The following TTC13 variants were observed in gnomAD, a reference collection of about 807,000 sequenced individuals.
TTC13 encodes tetratricopeptide repeat domain 13.
TTC13 carries 62 observed loss-of-function variants against 120.0 expected under a neutral mutation model. The ratio of observed to expected loss-of-function variants is 0.52; its 90% confidence interval spans 0.42 to 0.64. TTC13 has a LOEUF of 0.64. Ranked by LOEUF, TTC13 falls within the 30% of genes least tolerant of loss-of-function variation. TTC13 has a pLI of 0.00. For synonymous variants in TTC13, 384 were observed against 393.5 expected (o/e 0.98, Z 0.28); for missense variants, 824 against 1,050.2 (o/e 0.78, Z 2.98).
In TTC13 at chr1:230,928,957, TGGC is replaced by T; in HGVS notation, c.1434_1436del (p.Pro479del). On this transcript the variant is annotated inframe_deletion, in exon 12 of 23. Transcript: ENST00000366661. Reference sequence around the variant, plus strand: ...CTTACTTTATGTGGGGTTGCAACCCTGGCTGCTCTTCGTAGTCTTCTATGAGGA... The same window carrying T: ...CTTACTTTATGTGGGGTTGCAACCCTTGCTCTTCGTAGTCTTCTATGAGGA... 1 of 1,614,144 alleles carries T rather than the reference TGGC, an allele frequency of 6.2e-7. No homozygotes were observed. Among genetic ancestry groups the T allele is most frequent in the Non-Finnish European group, 8.5e-7 (1 of 1,180,014 alleles).
At chr1:230,929,680 G>A (rs983270243) in intron 11 of TTC13, among the ~76,000 whole-genome samples, 1 of 152,148 alleles carries the variant, frequency 6.6e-6, no homozygotes. Context: ...TTCAATTCCA[G>A]AGCTTAAGAA....
In TTC13 at chr1:230,943,791, G is replaced by A. The variant is rs759003427; in HGVS notation, c.672+15C>T. ...AATCCAATAATGACAGAGGGAAAAA[G>A]AAAGCCACACTCACTTCTGCTCGCT... On this transcript the variant is annotated intron_variant, in intron 6 of 22. Coordinates refer to ENST00000366661, the MANE Select transcript of TTC13 (RefSeq NM_024525.5). 8.2e-6 allele frequency: 13 copies of A among 1,581,898 alleles called. No individual in the cohort carries two copies. Among genetic ancestry groups the A allele is most frequent in the Non-Finnish European group, 1.1e-5 (13 of 1,163,712 alleles).
chr1:230,957,669 G>A (rs1191069908), intron 3 of TTC13, among the ~76,000 whole-genome samples: 1 of 152,056 alleles, frequency 6.6e-6, no homozygotes, highest in Non-Finnish European at 1.5e-5. Context: ...AGACAGCGAG[G>A]GAAACACACC....
chr1:230,923,932 T>C lies in TTC13; in HGVS notation c.1723A>G (p.Ile575Val). The change falls in exon 15 of 23, where the codon ATT becomes GTT. Residue 575 changes from isoleucine (I) to valine (V), a missense_variant and splice_region_variant. Transcript: ENST00000366661. Reference protein sequence around the residue: ...MFDIAVKWRRIADPDQPVLWL... With the variant: ...MFDIAVKWRRVADPDQPVLWL... ...AGCACGGGCTGGTCTGGGTCAGCAA[T>C]CCTATAAAACAGAGACCTTTATAAA... 12 of 1,612,726 alleles carry C rather than the reference T, an allele frequency of 7.4e-6. No individual in the cohort carries two copies. The highest frequency in any genetic ancestry group is 1.0e-5 in the Non-Finnish European group (12 of 1,179,046).
intron 1 of TTC13, among the ~76,000 whole-genome samples, chr1:230,962,565 A>G (rs181913815): frequency 5.3e-4 from 81 of 152,336 alleles, no homozygotes; most frequent in African/African-American, 1.3e-3. Context: ...CAGAATTTCC[A>G]TATGATGCAG....
At chr1:230,971,170 CCT>C (rs933887594) in intron 1 of TTC13, among the ~76,000 whole-genome samples, 6 of 140,480 alleles carry the variant, frequency 4.3e-5, no homozygotes, top group African/African-American at 1.6e-4. Flanking sequence ...ATGGTGGAAC[CCT>C]GTCTCTATTA....
In TTC13 at chr1:230,978,859, C is replaced by T. The variant is rs1202742509; in HGVS notation, c.-29G>A. ...CCCTCAAGGCGCATGCGCGACAGCC[C>T]TTGCCCGGCTCTCAGGCCTCCCCGC... On this transcript the variant is annotated 5_prime_UTR_variant, in exon 1 of 23. Transcript: ENST00000366661. This position sits in a 1 kb window ranked among gnomAD's most constrained non-coding sequence, Gnocchi z 5.6. The T allele has an allele frequency of 1.7e-5, 25 of 1,442,206 alleles. No individual in the cohort carries two copies. In the Admixed American group the frequency reaches 2.0e-4, roughly 11 times the overall value. 89.3% of individuals were successfully genotyped at this position (1,442,206 alleles called of 1,614,324 possible).
intron 8 of TTC13, among the ~76,000 whole-genome samples, chr1:230,937,335 T>C (rs935774895): frequency 6.6e-6 from 1 of 152,268 alleles, no homozygotes; most frequent in African/African-American, 2.4e-5. Flanking sequence ...TTTCAACCTC[T>C]TAATACAAAT....
rs1671487728 is a variant in TTC13, at chr1:230,911,452, T to C, written c.2309+18A>G. 2.0e-6 allele frequency: 3 copies of C among 1,516,224 alleles called. No homozygotes were observed. Among genetic ancestry groups the C allele is most frequent in the African/African-American group, 2.8e-5 (2 of 71,126 alleles). The allele number at this position is 1,516,224 out of a possible 1,614,324, so 93.9% of individuals were successfully genotyped here. A position where few individuals can be genotyped will look rare whatever the true frequency, so the allele number is the denominator to read the frequency against. ...ATTTCTCAATTTAAAATAATTTTAA[T>C]GACAGGATATTACTTACCTGGATCC... On this transcript the variant is annotated intron_variant, in intron 20 of 22. Coordinates refer to ENST00000366661, the MANE Select transcript of TTC13 (RefSeq NM_024525.5).
intron 1 of TTC13, among the ~76,000 whole-genome samples, chr1:230,963,087 T>C (rs1676793982): frequency 6.6e-6 from 1 of 151,948 alleles, no homozygotes; most frequent in South Asian, 2.1e-4. Flanking sequence ...GATAGATTAT[T>C]GCAAAAAAAG....
chr1:230,929,944 G>A (rs1673393206), intron 11 of TTC13, among the ~76,000 whole-genome samples: 1 of 152,154 alleles, frequency 6.6e-6, no homozygotes, highest in African/African-American at 2.4e-5. Context: ...CTAGCCACCT[G>A]GCTATTGGAT....
In TTC13 at chr1:230,978,730, A is replaced by AC; in HGVS notation, c.100dup (p.Val34GlyfsTer66). On this transcript the variant is annotated frameshift_variant, in exon 1 of 23. Transcript: ENST00000366661. LOFTEE classifies it high-confidence loss of function. The surrounding 1 kb of genome is among the most constrained non-coding windows in gnomAD (Gnocchi z 5.6). ...GCCTGGCCGCAGCCCGGCGGACAGG[A>AC]CCCCCAGCAGCAGCAGCAGCAGGAC... The AC allele has an allele frequency of 6.7e-7, 1 of 1,497,904 alleles. No homozygotes were observed. 92.8% of individuals were successfully genotyped at this position (1,497,904 alleles called of 1,614,324 possible).
intron 12 of TTC13, among the ~76,000 whole-genome samples, chr1:230,926,963 T>C (rs759598237): frequency 4.6e-5 from 7 of 152,240 alleles, no homozygotes; most frequent in Non-Finnish European, 1.0e-4. Flanking sequence ...TACTCTACAG[T>C]TTGGCTTATG....
chr1:230,978,795 GA>G lies in TTC13; in HGVS notation c.35del (p.Phe12SerfsTer84). 1 of 1,498,552 alleles carries G rather than the reference GA, an allele frequency of 6.7e-7. No individual in the cohort carries two copies. Among genetic ancestry groups the G allele is most frequent in the Admixed American group, 2.2e-5 (1 of 44,844 alleles). The allele number at this position is 1,498,552 out of a possible 1,614,324, so 92.8% of individuals were successfully genotyped here. On this transcript the variant is annotated frameshift_variant, in exon 1 of 23. Coordinates refer to ENST00000366661, the MANE Select transcript of TTC13 (RefSeq NM_024525.5). LOFTEE classifies it high-confidence loss of function. The surrounding 1 kb of genome is among the most constrained non-coding windows in gnomAD (Gnocchi z 5.6). ...CCGCGGCGGCCACAGCGCCGCCCCA[GA>G]AGCAGCAGCAGCAGCAGCAGCCGGC... ...APAGCCCCCC[F>X]WGGAVAAAGA...
chr1:230,933,560 G>C (rs1673763211), intron 9 of TTC13, among the ~76,000 whole-genome samples: 1 of 152,178 alleles, frequency 6.6e-6, no homozygotes, highest in African/African-American at 2.4e-5. Flanking sequence ...TACACACGCT[G>C]AAGTTAAGAG....
chr1:230,949,213 ATTC>A (rs974281373), intron 4 of TTC13, among the ~76,000 whole-genome samples: 2 of 126,946 alleles, frequency 1.6e-5, no homozygotes, highest in African/African-American at 6.0e-5. Flanking sequence ...TGCTAAGCCT[ATTC>A]TTCCCAAAGG....
At chr1:230,964,430 C>T (rs997365769) in intron 1 of TTC13, among the ~76,000 whole-genome samples, 14 of 152,162 alleles carry the variant, frequency 9.2e-5, no homozygotes, top group African/African-American at 3.1e-4. Context: ...AGAGTACTGA[C>T]ATTCTTTTTA....
chr1:230,916,270 G>A lies in TTC13; in HGVS notation c.2016C>T (p.Thr672=), dbSNP rs140000131. The A allele has an allele frequency of 2.2e-5, 36 of 1,613,998 alleles. No individual in the cohort carries two copies. Among genetic ancestry groups the A allele is most frequent in the African/African-American group, 4.0e-5 (3 of 74,996 alleles). The change falls in exon 18 of 23, where the codon ACC becomes ACT. Residue 672 remains threonine (T), a synonymous_variant. Coordinates refer to ENST00000366661, the MANE Select transcript of TTC13 (RefSeq NM_024525.5). The part of the protein sequence containing the change: ...QFNTKTKDGF[T]VNTKVPSLKD... ...TAAGGCTGGGAACTTTTGTGTTCAC[G>A]GTGAACCCATCCTTCGTTTTAGTAT...
chr1:230,906,873 G>T lies in TTC13; in HGVS notation c.*32C>A. 9.1e-7 allele frequency: 1 copy of T among 1,100,222 alleles called. No individual in the cohort carries two copies. The highest frequency in any genetic ancestry group is 1.3e-6 in the Non-Finnish European group (1 of 795,020). The allele number at this position is 1,100,222 out of a possible 1,614,324, so 68.2% of individuals were successfully genotyped here. A position where few individuals can be genotyped will look rare whatever the true frequency, so the allele number is the denominator to read the frequency against. On this transcript the variant is annotated 3_prime_UTR_variant, in exon 23 of 23. Transcript: ENST00000366661. The stretch of plus-strand genomic sequence containing the variant: ...AAATAACTTAAGAAGCAAGAGGTCC[G>T]GCCCTTTACTTGTATAAATACAGCA...
Sources: allele counts gnomAD v4.1 joint callset (sites outside exome capture counted in the v4.1 genomes callset), GRCh38; gene constraint gnomAD v4.1.1; non-coding constraint Gnocchi (gnomAD v3.1); transcripts MANE v1.5; gene names NCBI Gene and HGNC (gene_info 2026-07-23, HGNC 2026-07-21).